SLC8A1: variants seen among roughly 807,000 people sequenced by gnomAD.
SLC8A1 encodes sodium/calcium exchanger 1.
A neutral mutation model predicts 68.3 loss-of-function variants in SLC8A1; 18 were observed. That is an observed-to-expected ratio of 0.26 (90% CI 0.18 to 0.39). SLC8A1 has a LOEUF of 0.39. Ranked by LOEUF, SLC8A1 falls within the 10% of genes least tolerant of loss-of-function variation. The pLI, the probability that SLC8A1 is intolerant of heterozygous loss-of-function variation, is 1.00. For synonymous variants in SLC8A1, 475 were observed against 415.5 expected (o/e 1.14, Z -1.74); for missense variants, 985 against 1,156.7 (o/e 0.85, Z 2.15).
intron 2 of SLC8A1, among the ~76,000 whole-genome samples, chr2:40,276,882 T>A (rs2066766939): frequency 6.6e-6 from 1 of 152,224 alleles, no homozygotes; most frequent in African/African-American, 2.4e-5. Flanking sequence ...TTACATTCTA[T>A]GAGAATTTTG....
intron 1 of SLC8A1, among the ~76,000 whole-genome samples, chr2:40,484,819 A>T (rs1384815595): frequency 6.6e-6 from 1 of 152,172 alleles, no homozygotes; most frequent in Non-Finnish European, 1.5e-5. Flanking sequence ...GTGGAGGGTC[A>T]TGTTAGGTTC....
intron 1 of SLC8A1, among the ~76,000 whole-genome samples, chr2:40,504,360 A>T (rs576159872): frequency 2.0e-5 from 3 of 152,234 alleles, no homozygotes; most frequent in Non-Finnish European, 2.9e-5. Context: ...AACTACTACA[A>T]GAAAACCTTG....
At chr2:40,326,073 G>C (rs1438264970) in intron 2 of SLC8A1, among the ~76,000 whole-genome samples, 2 of 152,090 alleles carry the variant, frequency 1.3e-5, no homozygotes, top group Admixed American at 6.6e-5. Context: ...ATCAGCAGCT[G>C]TGCAATCTGT....
intron 2 of SLC8A1, among the ~76,000 whole-genome samples, chr2:40,291,824 G>T (rs926013679): frequency 1.3e-5 from 2 of 151,754 alleles, no homozygotes; most frequent in South Asian, 4.2e-4. Context: ...GAGCTAAAAT[G>T]GATGTACTCT....
At chr2:40,485,022 A>C (rs1277290825) in intron 1 of SLC8A1, among the ~76,000 whole-genome samples, 1 of 152,202 alleles carries the variant, frequency 6.6e-6, no homozygotes, top group African/African-American at 2.4e-5. Flanking sequence ...CAAAGAAGTC[A>C]TCATACTAAA....
At chr2:40,342,651 C>G (rs958130299) in intron 2 of SLC8A1, among the ~76,000 whole-genome samples, 5 of 152,240 alleles carry the variant, frequency 3.3e-5, no homozygotes, top group African/African-American at 1.2e-4. Flanking sequence ...ATTTAGGGAA[C>G]TTATTTAAAA....
chr2:40,185,957 T>C (rs545944284), intron 2 of SLC8A1, among the ~76,000 whole-genome samples: 3 of 152,300 alleles, frequency 2.0e-5, no homozygotes, highest in South Asian at 4.1e-4. Flanking sequence ...TAAGCGCCAC[T>C]GCTGTGTCTG....
At chr2:40,098,604 G>A (rs2033712865) in exon 8 of SLC8A1, 2 of 151,928 alleles carry the variant, frequency 1.3e-5, no homozygotes. Flanking sequence ...GAAAAGATTA[G>A]CTAAAATTTC....
At chr2:40,310,738 C>T (rs114204321) in intron 2 of SLC8A1, among the ~76,000 whole-genome samples, 1 of 152,104 alleles carries the variant, frequency 6.6e-6, no homozygotes, top group Non-Finnish European at 1.5e-5. Context: ...TCATCTCCCT[C>T]CACTCAGTAG....
intron 1 of SLC8A1, among the ~76,000 whole-genome samples, chr2:40,478,168 AC>A (rs1025402708): frequency 5.9e-5 from 9 of 151,764 alleles, no homozygotes; most frequent in Non-Finnish European, 1.2e-4. Context: ...GGATGATAAA[AC>A]CCTTGTTCAC....
rs1460869306 is a variant in SLC8A1 at position 40,268,648 on chromosome 2, A to AG, written c.1809-90794dup. On this transcript the variant is annotated intron_variant, in intron 2 of 7. Transcript: ENST00000406785. ...ATCTGAAATCCTATGTACGTGTATA[A>AG]GGGCAGAAAATAGGTCACAGTTGGT... Among the ~76,000 whole-genome samples, 9 of 152,278 alleles carry AG rather than the reference A, an allele frequency of 5.9e-5. No individual in the cohort carries two copies. The South Asian group carries it at 1.5e-3, about 25-fold the overall frequency.
chr2:40,133,891 T>TA (rs2039959489), intron 7 of SLC8A1, among the ~76,000 whole-genome samples: 1 of 152,166 alleles, frequency 6.6e-6, no homozygotes. Context: ...AACTGTAAGC[T>TA]AAAAGAATGT....
intron 2 of SLC8A1, among the ~76,000 whole-genome samples, chr2:40,326,853 T>C (rs1267070747): frequency 6.6e-6 from 1 of 152,194 alleles, no homozygotes; most frequent in Non-Finnish European, 1.5e-5. Context: ...AATTTAAAGA[T>C]GATTGTGTGG....
rs1696149761 is a variant in SLC8A1 at position 40,423,816 on chromosome 2, TA to T, written c.1808+4656del. On this transcript the variant is annotated intron_variant, in intron 2 of 7. Coordinates refer to ENST00000406785, the Ensembl canonical transcript of SLC8A1. ...TTTGGCTCTTATCCTATCTTATTTTTATAATAGCTATGCATTCAGAAAACAT... is the reference window on the plus strand; with the variant it reads ...TTTGGCTCTTATCCTATCTTATTTTTTAATAGCTATGCATTCAGAAAACAT... Among the ~76,000 whole-genome samples the T allele has an allele frequency of 2.0e-5, 3 of 152,050 alleles. No homozygotes were observed. The South Asian group carries it at 6.2e-4, about 31-fold the overall frequency.
At chr2:40,115,765 C>G (rs2035205879) in intron 7 of SLC8A1, 136 bp from the exon 11 acceptor site, 2 of 1,154,952 alleles carry the variant, frequency 1.7e-6, no homozygotes, top group Non-Finnish European at 1.2e-6. Flanking sequence ...TTTGATGTTC[C>G]TCTGAGTCAG....
At chr2:40,189,112 C>T (rs1393875549) in intron 2 of SLC8A1, among the ~76,000 whole-genome samples, 1 of 151,914 alleles carries the variant, frequency 6.6e-6, no homozygotes, top group African/African-American at 2.4e-5. Flanking sequence ...TTTGATGTAT[C>T]CCTTTGGCTG....
chr2:40,265,723 T>C (rs2065277229), intron 2 of SLC8A1, among the ~76,000 whole-genome samples: 1 of 152,228 alleles, frequency 6.6e-6, no homozygotes, highest in African/African-American at 2.4e-5. Context: ...TACTTGGAGC[T>C]GCTGCTTAGA....
chr2:40,340,385 C>G (rs143346974), intron 2 of SLC8A1, among the ~76,000 whole-genome samples: 322 of 152,130 alleles, frequency 2.1e-3, no homozygotes, highest in African/African-American at 7.2e-3. Flanking sequence ...ACATGGTGAA[C>G]TCTCATCCCT....
At chr2:40,327,444 C>T (rs1048545568) in intron 2 of SLC8A1, among the ~76,000 whole-genome samples, 1 of 152,186 alleles carries the variant, frequency 6.6e-6, no homozygotes, top group Non-Finnish European at 1.5e-5. Context: ...ACACTTAATA[C>T]ATGTTGCCAA....
Sources: allele counts gnomAD v4.1 joint callset (sites outside exome capture counted in the v4.1 genomes callset), GRCh38; gene constraint gnomAD v4.1.1; transcripts MANE v1.5; gene names NCBI Gene and HGNC (gene_info 2026-07-23, HGNC 2026-07-21).